IST1: variants seen among roughly 807,000 people sequenced by gnomAD.
The protein encoded by IST1 is IST1 homolog.
A neutral mutation model predicts 37.0 loss-of-function variants in IST1; 23 were observed. The observed-to-expected ratio is 0.62, with a 90% CI of 0.45 to 0.88. IST1 has a LOEUF of 0.88. IST1 is among the 40% of genes least tolerant of loss of function. The pLI is 0.00. For synonymous variants in IST1, 180 were observed against 161.7 expected (o/e 1.11, Z -0.86); for missense variants, 488 against 445.4 (o/e 1.10, Z -0.86).
chr16:71,902,839 T>C (rs1383771157), intron 1 of IST1, among the ~76,000 whole-genome samples: 3 of 152,188 alleles, frequency 2.0e-5, no homozygotes, highest in Admixed American at 6.6e-5. Flanking sequence ...AAAAATCGTT[T>C]TGAAGAATCA....
At chr16:71,916,420 G>A (rs1340036426) in intron 2 of IST1, 42 bp from the exon 3 acceptor site, 4 of 1,598,276 alleles carry the variant, frequency 2.5e-6, no homozygotes, top group Non-Finnish European at 3.4e-6. Flanking sequence ...CCAGATGCAA[G>A]TGCTCTACTG....
intron 1 of IST1, among the ~76,000 whole-genome samples, chr16:71,913,208 G>A (rs1046644838): frequency 5.3e-5 from 8 of 151,440 alleles, no homozygotes; most frequent in East Asian, 1.9e-4. Context: ...TGGTTGTACC[G>A]TTTTGCAATC....
At chr16:71,924,610 G>A in intron 8 of IST1, 159 bp from the exon 9 acceptor site, 1 of 653,296 alleles carries the variant, frequency 1.5e-6, no homozygotes, top group Non-Finnish European at 2.8e-6. Context: ...GTTCAACATA[G>A]TATCTACCTG....
At position 71,927,671 on chromosome 16, in the gene IST1, A is replaced by G. The variant is rs1409000090; in HGVS notation, c.959A>G (p.Tyr320Cys). 6 of 1,613,816 alleles carry G rather than the reference A, an allele frequency of 3.7e-6. No individual in the cohort carries two copies. The highest frequency in any genetic ancestry group is 1.1e-5 in the South Asian group (1 of 91,080). Residue 320 changes from tyrosine to cysteine, a missense_variant, in exon 10 of 10, where the codon TAT becomes TGT. Coordinates refer to ENST00000378799, the MANE Select transcript of IST1 (RefSeq NM_001270975.2). ...AKLPSRPADN[Y>C]DNFVLPELPS... Reference sequence around the variant, plus strand: ...CTTCCTTCCAGACCTGCAGATAACTATGACAACTTTGTCCTACCAGAGTTG... The same window carrying G: ...CTTCCTTCCAGACCTGCAGATAACTGTGACAACTTTGTCCTACCAGAGTTG...
chr16:71,904,324 T>C (rs1022598064), intron 1 of IST1, among the ~76,000 whole-genome samples: 3 of 152,212 alleles, frequency 2.0e-5, no homozygotes, highest in African/African-American at 7.2e-5. Flanking sequence ...GGTTTCGTCA[T>C]GTTGACCAGG....
At chr16:71,915,088 G>C (rs1311011314) in intron 1 of IST1, among the ~76,000 whole-genome samples, 1 of 152,034 alleles carries the variant, frequency 6.6e-6, no homozygotes, top group Non-Finnish European at 1.5e-5. Context: ...TGTACTCTTG[G>C]GTACTAGCTT....
rs1428778567 is a variant in IST1, at chr16:71,930,064, TCTTTC to T, written c.*2252_*2256del. 41 of 1,548,774 alleles carry T rather than the reference TCTTTC, an allele frequency of 2.6e-5. No individual in the cohort carries two copies. The highest frequency in any genetic ancestry group is 3.5e-5 in the Non-Finnish European group (40 of 1,146,054). Reference sequence around the variant, plus strand: ...TTTAGTTACCTACCTTAAGCGACTTTCTTTCTTTTCCAAAGGCCATGAGAATGGCC... The same window carrying T: ...TTTAGTTACCTACCTTAAGCGACTTTTTTTCCAAAGGCCATGAGAATGGCC... On this transcript the variant is annotated 3_prime_UTR_variant, in exon 10 of 10. Coordinates refer to ENST00000378799, the MANE Select transcript of IST1 (RefSeq NM_001270975.2).
At chr16:71,904,193 C>T (rs891670211) in intron 1 of IST1, among the ~76,000 whole-genome samples, 3 of 152,064 alleles carry the variant, frequency 2.0e-5, no homozygotes, top group Non-Finnish European at 2.9e-5. Flanking sequence ...GTGTGATCTC[C>T]GCTCGCTGCA....
chr16:71,894,488 C>T (rs1326478497), upstream of IST1: 2 of 204,934 alleles, frequency 9.8e-6, no homozygotes, highest in Non-Finnish European at 2.0e-5. Flanking sequence ...TCAGGTGATA[C>T]ACCTGCCTCG....
intron 1 of IST1, among the ~76,000 whole-genome samples, chr16:71,900,203 A>G (rs1007060870): frequency 6.6e-6 from 1 of 151,238 alleles, no homozygotes; most frequent in Admixed American, 6.6e-5. Flanking sequence ...ATAAAATAAC[A>G]CACGTCAAAA....
chr16:71,924,355 A>T (rs2037686053), intron 8 of IST1: 1 of 373,340 alleles, frequency 2.7e-6, no homozygotes, highest in Non-Finnish European at 5.2e-6. Context: ...CACGCCTGTA[A>T]TCCCAGCACT....
chr16:71,915,633 A>G lies in IST1; in HGVS notation c.-8A>G. The G allele has an allele frequency of 1.2e-6, 2 of 1,606,668 alleles. No homozygotes were observed. Among genetic ancestry groups the G allele is most frequent in the Non-Finnish European group, 1.7e-6 (2 of 1,177,752 alleles). The stretch of plus-strand genomic sequence containing the variant: ...TGCTTCTTCTGTTTCTAGGAGGAAC[A>G]GCACAGCATGCTGGGCTCTGGATTT... On this transcript the variant is annotated 5_prime_UTR_variant, in exon 2 of 10. Transcript: ENST00000378799.
At chr16:71,924,704 T>C in intron 8 of IST1, 65 bp from the exon 9 acceptor site, 1 of 1,259,712 alleles carries the variant, frequency 7.9e-7, no homozygotes, top group Non-Finnish European at 1.2e-6. Flanking sequence ...ACACAGGGGC[T>C]TACACCAGTA....
chr16:71,902,740 A>G (rs1260390893), intron 1 of IST1, among the ~76,000 whole-genome samples: 4 of 152,152 alleles, frequency 2.6e-5, no homozygotes, highest in Admixed American at 6.6e-5. Flanking sequence ...CTGTAGTGAT[A>G]TTCACCCTTT....
chr16:71,905,234 C>CG (rs2037196585), intron 1 of IST1, among the ~76,000 whole-genome samples: 1 of 151,892 alleles, frequency 6.6e-6, no homozygotes, highest in African/African-American at 2.4e-5. Context: ...TGGGGTTTTA[C>CG]TATGTTGGCC....
intron 1 of IST1, among the ~76,000 whole-genome samples, chr16:71,913,891 C>G (rs1460859968): frequency 1.3e-5 from 2 of 152,194 alleles, no homozygotes. Flanking sequence ...TCACTGCAAA[C>G]TCCGCCTCCT....
intron 4 of IST1, among the ~76,000 whole-genome samples, chr16:71,919,929 A>G (rs1302148608): frequency 1.3e-5 from 2 of 152,312 alleles, no homozygotes; most frequent in East Asian, 1.9e-4. Context: ...CAGCAAGGCA[A>G]TTTTTACCTT....
intron 1 of IST1, among the ~76,000 whole-genome samples, chr16:71,897,172 CTTTTT>C (rs35671031): frequency 3.1e-5 from 2 of 65,532 alleles, no homozygotes; most frequent in Non-Finnish European, 2.8e-5. Context: ...CCACGCCTGG[CTTTTT>C]TTTTTTTTTT....
chr16:71,904,791 G>A (rs140376179), intron 1 of IST1, among the ~76,000 whole-genome samples: 45 of 152,270 alleles, frequency 3.0e-4, no homozygotes, highest in African/African-American at 1.0e-3. Flanking sequence ...TATTTGAAGT[G>A]AGTTTGTTGT....
Sources: allele counts gnomAD v4.1 joint callset (sites outside exome capture counted in the v4.1 genomes callset), GRCh38; gene constraint gnomAD v4.1.1; transcripts MANE v1.5; gene names NCBI Gene and HGNC (gene_info 2026-07-23, HGNC 2026-07-21).